The following RFC4 variants were observed in gnomAD, a reference collection of about 807,000 sequenced individuals.
The protein encoded by RFC4 is replication factor C subunit 4.
RFC4 carries 38 observed loss-of-function variants against 47.6 expected under a neutral mutation model. That is an observed-to-expected ratio of 0.80 (90% confidence interval 0.62 to 1.05). The LOEUF (loss-of-function observed/expected upper bound fraction) is 1.05, where lower values mean the gene tolerates loss of function less well. Ranked by LOEUF, RFC4 falls within the 50% of genes least tolerant of loss-of-function variation. The probability of loss-of-function intolerance (pLI) is 0.00; values close to 1 mark genes in which losing one functional copy is unlikely to be tolerated. For synonymous variants in RFC4, 164 were observed against 150.0 expected, an observed-to-expected ratio of 1.09 and a Z score of -0.68; for missense variants, 489 against 434.0, an observed-to-expected ratio of 1.13 and a Z score of -1.13.
intron 8 of RFC4, 84 bp downstream of exon 8, chr3:186,791,641 C>A: frequency 4.2e-6 from 5 of 1,196,210 alleles, no homozygotes; most frequent in Non-Finnish European, 6.2e-6. Context: ...ACTTGCTAAA[C>A]ACCCAGTATT....
intron 8 of RFC4, among the ~76,000 whole-genome samples, chr3:186,790,846 TAAA>T (rs1722104037): frequency 6.6e-6 from 1 of 152,056 alleles, no homozygotes; most frequent in Non-Finnish European, 1.5e-5. Flanking sequence ...TCCAGAAAAT[TAAA>T]GAGGATTAGT....
chr3:186,800,258 A>G (rs527384301), intron 3 of RFC4, among the ~76,000 whole-genome samples: 12 of 152,308 alleles, frequency 7.9e-5, no homozygotes, highest in Admixed American at 3.3e-4. Flanking sequence ...TGGCCGGCCA[A>G]AAAGGTATAA....
chr3:186,790,845 TTAAAG>T (rs1434974719), intron 8 of RFC4, among the ~76,000 whole-genome samples: 4 of 151,982 alleles, frequency 2.6e-5, no homozygotes, highest in Non-Finnish European at 5.9e-5. Flanking sequence ...ATCCAGAAAA[TTAAAG>T]AGGATTAGTG....
rs1722244491 is a variant in RFC4 at position 186,796,356 on chromosome 3, C to A, written c.290+1179G>T. Among the ~76,000 whole-genome samples the A allele has an allele frequency of 6.6e-6, 1 of 152,154 alleles. No homozygotes were observed. Among genetic ancestry groups the A allele is most frequent in the Admixed American group, 6.5e-5 (1 of 15,270 alleles). On this transcript the variant is annotated intron_variant, in intron 4 of 10. Coordinates refer to ENST00000296273, the MANE Select transcript of RFC4 (RefSeq NM_002916.5). This position sits in a 1 kb window ranked among gnomAD's most constrained non-coding sequence, Gnocchi z 4.2. ...GAGTTGTGGAATAATCAAAAAAGTTCTTCTATAATTTTACTGAGAATAAAA... is the reference window on the plus strand; with the variant it reads ...GAGTTGTGGAATAATCAAAAAAGTTATTCTATAATTTTACTGAGAATAAAA...
intron 4 of RFC4, among the ~76,000 whole-genome samples, chr3:186,795,496 C>T (rs1722225006): frequency 1.3e-5 from 2 of 151,748 alleles, no homozygotes; most frequent in African/African-American, 2.4e-5. Flanking sequence ...TAATATAGCA[C>T]ATTTTAAATT....
At chr3:186,801,012 C>A (rs542376219) in intron 3 of RFC4, 105 bp downstream of exon 3, 3 of 831,868 alleles carry the variant, frequency 3.6e-6, no homozygotes, top group South Asian at 3.0e-5. Context: ...CTACTGTACA[C>A]AGAGCAAGAT....
intron 2 of RFC4, 93 bp from the exon 3 acceptor site, chr3:186,801,288 C>T: frequency 1.1e-6 from 1 of 916,194 alleles, no homozygotes; most frequent in South Asian, 1.4e-5. Flanking sequence ...ATACCAATGA[C>T]CATTCTTAAA....
intron 4 of RFC4, among the ~76,000 whole-genome samples, chr3:186,797,117 G>A (rs905083735): frequency 2.0e-5 from 3 of 152,186 alleles, no homozygotes; most frequent in Non-Finnish European, 4.4e-5. Context: ...GTCCAGAGCA[G>A]GACTCAAGAA....
rs376906542 is a variant in RFC4, at chr3:186,799,815, A to C, written c.210+1302T>G. ...TTAGATATTGTCCTGCAATCTGTGTAATTACTATGCAACTGCAATTAAAAT... is the reference window on the plus strand; with the variant it reads ...TTAGATATTGTCCTGCAATCTGTGTCATTACTATGCAACTGCAATTAAAAT... On this transcript the variant is annotated intron_variant, in intron 3 of 10. Transcript: ENST00000296273. 4.6e-5 allele frequency among the ~76,000 whole-genome samples: 7 copies of C among 152,328 alleles called. No homozygotes were observed. In the East Asian group the frequency reaches 7.7e-4, roughly 17 times the overall value.
intron 8 of RFC4, 79 bp from the exon 9 acceptor site, chr3:186,790,485 C>CCCAGTCATTTCTGTT (rs1722080958): frequency 1.0e-6 from 1 of 993,894 alleles, no homozygotes; most frequent in Non-Finnish European, 1.6e-6. Flanking sequence ...CCCCCGTGCC[C>CCCAGTCATTTCTGTT]CCAGTCATTT....
At position 186,804,575 on chromosome 3, in the gene RFC4, G is replaced by A. The variant is rs776106183; in HGVS notation, c.131+8C>T. ...GAATTATTTTAACAAAGACACAAGTGTTCTTACTATTTTTCCACCCAGGGA... is the reference window on the plus strand; with the variant it reads ...GAATTATTTTAACAAAGACACAAGTATTCTTACTATTTTTCCACCCAGGGA... On this transcript the variant is annotated splice_region_variant and intron_variant, in intron 2 of 10. Coordinates refer to ENST00000296273, the MANE Select transcript of RFC4 (RefSeq NM_002916.5). The A allele has an allele frequency of 7.4e-6, 12 of 1,613,016 alleles. No homozygotes were observed. The East Asian group carries it at 2.5e-4, about 33-fold the overall frequency.
chr3:186,804,050 G>A lies in RFC4; in HGVS notation c.131+533C>T, dbSNP rs576802234. 1.7e-4 allele frequency among the ~76,000 whole-genome samples: 26 copies of A among 152,170 alleles called. 1 individual carries two copies. Among genetic ancestry groups the A allele is most frequent in the Admixed American group, 1.6e-3 (25 of 15,296 alleles). On this transcript the variant is annotated intron_variant, in intron 2 of 10. Coordinates refer to ENST00000296273, the MANE Select transcript of RFC4 (RefSeq NM_002916.5). ...TACAAAAAATTAGCCAGGTGTGGTG[G>A]TGGGCACCTGTAATCCCTACTATTT...
intron 1 of RFC4, 30 bp downstream of exon 1, chr3:186,806,260 A>G (rs555746702): frequency 1.3e-5 from 2 of 152,434 alleles, no homozygotes; most frequent in Non-Finnish European, 2.9e-5. Flanking sequence ...GGGAAGGCGA[A>G]GCGGGCTTGC....
chr3:186,804,570 CA>C lies in RFC4; in HGVS notation c.131+12del. On this transcript the variant is annotated intron_variant, in intron 2 of 10. Coordinates refer to ENST00000296273, the MANE Select transcript of RFC4 (RefSeq NM_002916.5). The stretch of plus-strand genomic sequence containing the variant: ...TTTATGAATTATTTTAACAAAGACA[CA>C]AGTGTTCTTACTATTTTTCCACCCA... 6.2e-7 allele frequency: 1 copy of C among 1,612,472 alleles called. No individual in the cohort carries two copies. Among genetic ancestry groups the C allele is most frequent in the Non-Finnish European group, 8.5e-7 (1 of 1,179,030 alleles).
intron 2 of RFC4, among the ~76,000 whole-genome samples, chr3:186,804,108 A>C (rs895910861): frequency 1.3e-5 from 2 of 152,064 alleles, no homozygotes; most frequent in African/African-American, 4.8e-5. Flanking sequence ...ACCTGAACCC[A>C]GGAGGTGGAG....
chr3:186,792,512 T>C lies in RFC4; in HGVS notation c.653A>G (p.Glu218Gly). ...QQRLLDIAKK[E>G]NVKISDEGIA... Reference sequence around the variant, plus strand: ...TACCTCATCACTAATTTTGACATTTTCCTTCTTGGCAATGTCTAGTAATCG... The same window carrying C: ...TACCTCATCACTAATTTTGACATTTCCCTTCTTGGCAATGTCTAGTAATCG... Residue 218 changes from glutamate (E) to glycine (G), a missense_variant, in exon 7 of 11, where the codon GAA becomes GGA. Physicochemically the swap from Glu to Gly is moderately conservative, Grantham distance 98. Around this residue, in one of 2 missense-constraint regions of RFC4, gnomAD observed 283 missense variants for 176.2 expected, o/e 1.61. Coordinates refer to ENST00000296273, the MANE Select transcript of RFC4 (RefSeq NM_002916.5). The C allele has an allele frequency of 6.2e-7, 1 of 1,612,808 alleles. No homozygotes were observed. Among genetic ancestry groups the C allele is most frequent in the Non-Finnish European group, 8.5e-7 (1 of 1,178,862 alleles).
chr3:186,804,656 G>T lies in RFC4; in HGVS notation c.58C>A (p.Arg20=). The change falls in exon 2 of 11, where the codon CGA becomes AGA. Residue 20 remains arginine, a synonymous_variant. Coordinates refer to ENST00000296273, the MANE Select transcript of RFC4 (RefSeq NM_002916.5). ...CTTCCCGCACTGGCAGCTACTCCTC[G>T]ATCCTTGGTCAGCGGGGGTTTAGTA... is the stretch of plus-strand genomic sequence containing the variant. The part of the protein sequence containing the change: ...ISTKPPLTKD[R]GVAASAGSSG... The T allele has an allele frequency of 6.2e-7, 1 of 1,613,994 alleles. No individual in the cohort carries two copies. Among genetic ancestry groups the T allele is most frequent in the African/African-American group, 1.3e-5 (1 of 74,964 alleles).
chr3:186,790,415 TTGAA>T lies in RFC4; in HGVS notation c.802-13_802-10del. ...TTCTCAGCTGGTATTACCTAGGTAA[TTGAA>T]TGTTCGGTATTAAAGATGTTTCTAG... On this transcript the variant is annotated splice_polypyrimidine_tract_variant and intron_variant, in intron 8 of 10. Transcript: ENST00000296273. 5.0e-6 allele frequency: 8 copies of T among 1,595,312 alleles called. No individual in the cohort carries two copies. The highest frequency in any genetic ancestry group is 6.9e-6 in the Non-Finnish European group (8 of 1,162,912).
Position 186,790,424 on chromosome 3 carries a change from C to A in RFC4, c.802-18G>T, listed in dbSNP as rs200482426. 4 of 1,572,864 alleles carry A rather than the reference C, an allele frequency of 2.5e-6. No individual in the cohort carries two copies. The highest frequency in any genetic ancestry group is 3.5e-6 in the Non-Finnish European group (4 of 1,142,820). ...GGTATTACCTAGGTAATTGAATGTT[C>A]GGTATTAAAGATGTTTCTAGGTGAG... is the stretch of plus-strand genomic sequence containing the variant. On this transcript the variant is annotated intron_variant, in intron 8 of 10. Coordinates refer to ENST00000296273, the MANE Select transcript of RFC4 (RefSeq NM_002916.5).
Sources: allele counts gnomAD v4.1 joint callset (sites outside exome capture counted in the v4.1 genomes callset), GRCh38; gene constraint gnomAD v4.1.1; regional missense constraint gnomAD v4.1.1; non-coding constraint Gnocchi (gnomAD v3.1); transcripts MANE v1.5; gene names NCBI Gene and HGNC (gene_info 2026-07-23, HGNC 2026-07-21).